Variants in SLC9D1 observed in about 807,000 individuals in gnomAD.
The protein encoded by SLC9D1 is putative LAG1-interacting protein.
chr13:113,504,697 TG>T, the SLC9D1 span: 1 of 152,270 alleles, frequency 6.6e-6, no homozygotes, highest in South Asian at 2.1e-4. Flanking sequence ...TAGTATTCCA[TG>T]GTATATAAAT....
the SLC9D1 span, among the ~76,000 whole-genome samples, chr13:113,525,153 C>A: frequency 6.6e-6 from 1 of 152,200 alleles, no homozygotes; most frequent in Non-Finnish European, 1.5e-5. Context: ...GCTCCCTCCC[C>A]CTGCCCACAT....
At chr13:113,538,306 G>A in the SLC9D1 span, among the ~76,000 whole-genome samples, 23 of 151,134 alleles carry the variant, frequency 1.5e-4, no homozygotes, top group South Asian at 1.0e-3. Context: ...GCACATGTGC[G>A]TGTGTGTGTG....
chr13:113,549,469 C>T, the SLC9D1 span: 37 of 1,613,988 alleles, frequency 2.3e-5, no homozygotes, highest in Admixed American at 5.0e-5. Flanking sequence ...GCCTCTTGCT[C>T]GCCCCGGTGC....
the SLC9D1 span, among the ~76,000 whole-genome samples, chr13:113,542,529 G>T: frequency 0.16 from 24,922 of 152,236 alleles, 2,316 homozygotes; most frequent in Admixed American, 0.27. Context: ...GGGAGCTCAG[G>T]GTCAGCCACA....
At chr13:113,523,151 A>G in the SLC9D1 span, among the ~76,000 whole-genome samples, 13 of 151,520 alleles carry the variant, frequency 8.6e-5, no homozygotes, top group Non-Finnish European at 1.2e-4. Flanking sequence ...GGTTTTGGTA[A>G]TAAAAGTCAT....
chr13:113,512,937 A>T, the SLC9D1 span, among the ~76,000 whole-genome samples: 2 of 152,004 alleles, frequency 1.3e-5, no homozygotes, highest in African/African-American at 2.4e-5. Context: ...GGAGAGGGTC[A>T]GTATATATAG....
the SLC9D1 span, among the ~76,000 whole-genome samples, chr13:113,537,980 T>C: frequency 1.4e-5 from 2 of 144,886 alleles, no homozygotes; most frequent in Non-Finnish European, 3.0e-5. Context: ...GGTGTGTACA[T>C]GTATGCTTTG....
At chr13:113,546,618 C>T in the SLC9D1 span, among the ~76,000 whole-genome samples, 18 of 152,144 alleles carry the variant, frequency 1.2e-4, no homozygotes, top group Admixed American at 6.5e-4. This position sits in a 1 kb window ranked among gnomAD's most constrained non-coding sequence, Gnocchi z 7.1. Flanking sequence ...ACCCTGGGGT[C>T]TGGGTCCTTC....
the SLC9D1 span, among the ~76,000 whole-genome samples, chr13:113,522,693 C>T: frequency 2.6e-5 from 4 of 151,874 alleles, no homozygotes; most frequent in East Asian, 7.7e-4. Context: ...GATGCAGTGT[C>T]GTGATCTCGG....
At chr13:113,508,283 A>G in the SLC9D1 span, among the ~76,000 whole-genome samples, 1 of 152,226 alleles carries the variant, frequency 6.6e-6, no homozygotes, top group African/African-American at 2.4e-5. Context: ...AGTTAGTGGC[A>G]GATCAGGCCT....
At chr13:113,502,359 G>T in the SLC9D1 span, among the ~76,000 whole-genome samples, 2 of 152,200 alleles carry the variant, frequency 1.3e-5, no homozygotes, top group African/African-American at 4.8e-5. Context: ...GATTACAGGT[G>T]CACACCACCA....
chr13:113,494,765 ACAGTAG>A, the SLC9D1 span, among the ~76,000 whole-genome samples: 1 of 152,200 alleles, frequency 6.6e-6, no homozygotes, highest in African/African-American at 2.4e-5. Flanking sequence ...TGCAGAGCTA[ACAGTAG>A]CTCAGAAGAT....
the SLC9D1 span, among the ~76,000 whole-genome samples, chr13:113,502,771 C>T: frequency 3.9e-5 from 6 of 152,162 alleles, no homozygotes; most frequent in Non-Finnish European, 7.4e-5. Flanking sequence ...AGGAGTGCAG[C>T]CTGCTCCCTC....
the SLC9D1 span, among the ~76,000 whole-genome samples, chr13:113,538,955 G>A: frequency 1.8e-4 from 27 of 152,344 alleles, no homozygotes; most frequent in Middle Eastern, 6.8e-3. Context: ...GTTGCTTGTC[G>A]TCCTGTCGCT....
At chr13:113,515,748 G>A in the SLC9D1 span, among the ~76,000 whole-genome samples, 90 of 151,884 alleles carry the variant, frequency 5.9e-4, no homozygotes, top group African/African-American at 2.1e-3. Context: ...AAAATTAGCC[G>A]GGCATGGTGG....
chr13:113,535,825 A>G, the SLC9D1 span, among the ~76,000 whole-genome samples: 1 of 151,456 alleles, frequency 6.6e-6, no homozygotes, highest in Non-Finnish European at 1.5e-5. This position sits in a 1 kb window ranked among gnomAD's most constrained non-coding sequence, Gnocchi z 4.1. Flanking sequence ...CTGTGTCTGT[A>G]TCGGCACCTG....
chr13:113,541,666 A>T, the SLC9D1 span, among the ~76,000 whole-genome samples: 1 of 121,770 alleles, frequency 8.2e-6, no homozygotes, highest in African/African-American at 3.2e-5. Context: ...TACCGCCGAG[A>T]TGTGTGGATG....
chr13:113,506,780 CTA>C, the SLC9D1 span, among the ~76,000 whole-genome samples: 1 of 152,164 alleles, frequency 6.6e-6, no homozygotes, highest in East Asian at 1.9e-4. Flanking sequence ...TTTTTCTCCA[CTA>C]TAGTATTCAC....
At chr13:113,535,988 G>A in the SLC9D1 span, among the ~76,000 whole-genome samples, 2 of 152,248 alleles carry the variant, frequency 1.3e-5, no homozygotes, top group Admixed American at 1.3e-4. This position sits in a 1 kb window ranked among gnomAD's most constrained non-coding sequence, Gnocchi z 4.1. Flanking sequence ...ATCTTGTGCT[G>A]TAATTTGGCA....
Sources: gnomAD v4.1 joint callset for allele counts (sites outside exome capture counted in the v4.1 genomes callset) on GRCh38, gnomAD v4.1.1 for gene constraint, Gnocchi (gnomAD v3.1) non-coding constraint, MANE v1.5 for transcripts, NCBI Gene and HGNC (gene_info 2026-07-23, HGNC 2026-07-21) for gene names.